PCDHA9: variants seen among roughly 807,000 people sequenced by gnomAD.
The protein encoded by PCDHA9 is protocadherin alpha 9.
A neutral mutation model predicts 62.0 loss-of-function variants in PCDHA9; 62 were observed. That is an observed-to-expected ratio of 1.00 (90% CI 0.81 to 1.23). The LOEUF (loss-of-function observed/expected upper bound fraction) is 1.23, where lower values mean the gene tolerates loss of function less well. Ranked by LOEUF, PCDHA9 falls within the 50% of genes most tolerant of loss-of-function variation. PCDHA9 has a pLI of 0.00. For missense variants in PCDHA9, 1,205 were observed against 1,249.8 expected (o/e 0.96, Z 0.54); for synonymous variants, 557 against 567.6 (o/e 0.98, Z 0.27).
chr5:140,895,225 G>GT, intron 1 of PCDHA9, among the ~76,000 whole-genome samples: 1 of 152,168 alleles, frequency 6.6e-6, no homozygotes, highest in African/African-American at 2.4e-5. Context: ...ATTTTACTGA[G>GT]TTTTCTCATC....
chr5:140,858,334 GC>G, intron 1 of PCDHA9: 1 of 1,595,814 alleles, frequency 6.3e-7, no homozygotes, highest in Admixed American at 1.7e-5. Flanking sequence ...GGGAGGGCCT[GC>G]CCAAGGCGGA....
intron 1 of PCDHA9, among the ~76,000 whole-genome samples, chr5:140,910,128 T>C (rs2074896985): frequency 6.6e-6 from 1 of 152,238 alleles, no homozygotes; most frequent in African/African-American, 2.4e-5. Flanking sequence ...GTCTGTAAAC[T>C]GGTTTAAGTC....
intron 3 of PCDHA9, among the ~76,000 whole-genome samples, chr5:141,000,713 C>G (rs570396356): frequency 6.6e-6 from 1 of 151,652 alleles, no homozygotes; most frequent in Non-Finnish European, 1.5e-5. Context: ...CAGGCATGAG[C>G]CACTGTGCCT....
chr5:140,993,528 A>T lies in PCDHA9; in HGVS notation c.2542+10965A>T, dbSNP rs78672098. On this transcript the variant is annotated intron_variant, in intron 3 of 3. Transcript: ENST00000532602. ...CACACACGGGGAGAGAGAGACAGAG[A>T]GAGAGAGAGATAGAGAAGTGAAGTA... Among the ~76,000 whole-genome samples the T allele has an allele frequency of 6.6e-5, 10 of 152,092 alleles. No individual in the cohort carries two copies. In the East Asian group the frequency reaches 1.2e-3, roughly 18 times the overall value.
intron 1 of PCDHA9, chr5:140,851,395 A>G: frequency 1.0e-6 from 1 of 973,138 alleles, no homozygotes; most frequent in Non-Finnish European, 1.2e-6. Context: ...AGTATCTATT[A>G]TTTTAATAAG....
At chr5:140,884,130 C>A in intron 1 of PCDHA9, 1 of 1,613,434 alleles carries the variant, frequency 6.2e-7, no homozygotes, top group South Asian at 1.1e-5. Context: ...GCGCGCATCC[C>A]GTTCCGCGTG....
At chr5:140,973,782 C>CT (rs1461331270) in intron 1 of PCDHA9, among the ~76,000 whole-genome samples, 7 of 152,208 alleles carry the variant, frequency 4.6e-5, no homozygotes, top group African/African-American at 1.7e-4. Flanking sequence ...TATAGGTTGC[C>CT]TATTGGCATG....
chr5:140,877,331 T>A (rs2057038565), intron 1 of PCDHA9: 15 of 1,613,962 alleles, frequency 9.3e-6, no homozygotes, highest in Non-Finnish European at 1.3e-5. Context: ...GGCGCGCACA[T>A]CCCGTTCCAC....
At chr5:140,964,009 A>G (rs1435043905) in intron 1 of PCDHA9, among the ~76,000 whole-genome samples, 1 of 152,160 alleles carries the variant, frequency 6.6e-6, no homozygotes, top group Non-Finnish European at 1.5e-5. Context: ...CTACTTTTTA[A>G]TAGAGAGCTC....
chr5:140,882,482 G>A, intron 1 of PCDHA9: 1 of 1,614,048 alleles, frequency 6.2e-7, no homozygotes, highest in South Asian at 1.1e-5. Context: ...CAAAAGACAC[G>A]GGGACCTTCT....
At chr5:140,985,151 A>G (rs1335001570) in intron 3 of PCDHA9, among the ~76,000 whole-genome samples, 3 of 152,092 alleles carry the variant, frequency 2.0e-5, no homozygotes, top group Admixed American at 2.0e-4. Flanking sequence ...GTTAGCCAGG[A>G]TTGTCTCAAT....
At position 140,939,517 on chromosome 5, in the gene PCDHA9, G is replaced by GACATTGTAGAATTATAGAATTCTACATAA. The variant is rs559604027; in HGVS notation, c.2395-39432_2395-39431insACATTGTAGAATTATAGAATTCTACATAA. 5.4e-3 allele frequency among the ~76,000 whole-genome samples: 825 copies of GACATTGTAGAATTATAGAATTCTACATAA among 152,166 alleles called. 3 individuals carry two copies. Among genetic ancestry groups the GACATTGTAGAATTATAGAATTCTACATAA allele is most frequent in the African/African-American group, 0.019 (794 of 41,518 alleles). On this transcript the variant is annotated intron_variant, in intron 1 of 3. Coordinates refer to ENST00000532602, the MANE Select transcript of PCDHA9 (RefSeq NM_031857.2). Reference sequence around the variant, plus strand: ...AAATTCAATGTCTATAACATTAATAGTTATAGAATTATACAGAGCCTCTAT... The same window carrying GACATTGTAGAATTATAGAATTCTACATAA: ...AAATTCAATGTCTATAACATTAATAGACATTGTAGAATTATAGAATTCTACATAATTATAGAATTATACAGAGCCTCTAT...
rs868938085 is a variant in PCDHA9, at chr5:140,882,236, T to C, written c.2394+31347T>C. On this transcript the variant is annotated intron_variant, in intron 1 of 3. Coordinates refer to ENST00000532602, the MANE Select transcript of PCDHA9 (RefSeq NM_031857.2). ...AGTTTGAGGTAAGGCGTTGTATATA[T>C]TGCAGATAGCTCTGAGGTTTTTGGA... 7.6e-6 allele frequency: 12 copies of C among 1,581,516 alleles called. 1 individual carries two copies. The Middle Eastern group carries it at 1.0e-3, about 134-fold the overall frequency.
At chr5:140,875,580 C>T (rs1381718234) in intron 1 of PCDHA9, 2 of 1,614,076 alleles carry the variant, frequency 1.2e-6, no homozygotes, top group East Asian at 2.2e-5. Flanking sequence ...ACTCCGTCTA[C>T]GAGGAGGCCA....
intron 1 of PCDHA9, chr5:140,883,794 C>A (rs781822448): frequency 6.2e-7 from 1 of 1,612,476 alleles, no homozygotes; most frequent in Non-Finnish European, 8.5e-7. Flanking sequence ...AGCTACGTGT[C>A]GGTGCACGCG....
At chr5:141,007,535 T>C (rs1588169762) in intron 3 of PCDHA9, among the ~76,000 whole-genome samples, 1 of 152,050 alleles carries the variant, frequency 6.6e-6, no homozygotes, top group South Asian at 2.1e-4. Context: ...GCCACTGCAC[T>C]CCAGCTTGGG....
intron 1 of PCDHA9, among the ~76,000 whole-genome samples, chr5:140,938,740 A>T (rs1308554709): frequency 1.3e-5 from 2 of 152,150 alleles, no homozygotes; most frequent in East Asian, 3.8e-4. Flanking sequence ...AAAAATAATT[A>T]TTTTTAAAGG....
intron 1 of PCDHA9, chr5:140,864,667 T>G (rs1234979234): frequency 2.6e-5 from 4 of 152,252 alleles, no homozygotes; most frequent in Non-Finnish European, 5.9e-5. Context: ...AATTACCTGT[T>G]GACTTAATTG....
At chr5:140,869,924 A>G (rs2051503420) in intron 1 of PCDHA9, 3 of 1,611,514 alleles carry the variant, frequency 1.9e-6, no homozygotes, top group African/African-American at 1.3e-5. Flanking sequence ...GAAGGAGTCA[A>G]TGGAGAGGTA....
Sources: gnomAD v4.1 joint callset for allele counts (sites outside exome capture counted in the v4.1 genomes callset) on GRCh38, gnomAD v4.1.1 for gene constraint, MANE v1.5 for transcripts, NCBI Gene and HGNC (gene_info 2026-07-23, HGNC 2026-07-21) for gene names.